EEFSEC: variants seen among roughly 807,000 people sequenced by gnomAD.
EEFSEC encodes selenocysteine-specific elongation factor.
In EEFSEC, 43 loss-of-function variants were observed where a neutral mutation model predicts 42.1. The ratio of observed to expected loss-of-function variants is 1.02; its 90% CI spans 0.80 to 1.32. EEFSEC has a LOEUF of 1.32. EEFSEC is among the 40% of genes most tolerant of loss of function. EEFSEC has a pLI of 0.00. For missense variants in EEFSEC, 745 were observed against 803.6 expected (o/e 0.93, Z 0.88); for synonymous variants, 354 against 339.1 (o/e 1.04, Z -0.48).
chr3:128,289,032 T>G (rs1341541114), intron 4 of EEFSEC, among the ~76,000 whole-genome samples: 1 of 152,236 alleles, frequency 6.6e-6, no homozygotes, highest in Admixed American at 6.5e-5. Flanking sequence ...AGTCTGGCAC[T>G]GCTAAGGAGC....
At chr3:128,383,844 C>T (rs746375211) in intron 6 of EEFSEC, among the ~76,000 whole-genome samples, 7 of 152,196 alleles carry the variant, frequency 4.6e-5, no homozygotes, top group Non-Finnish European at 8.8e-5. Context: ...AGCACATGAG[C>T]GGTGACAGAG....
intron 1 of EEFSEC, among the ~76,000 whole-genome samples, chr3:128,209,581 T>G (rs2065734927): frequency 6.6e-6 from 1 of 152,258 alleles, no homozygotes; most frequent in African/African-American, 2.4e-5. Flanking sequence ...ATTTAATATA[T>G]TTTTATAATC....
intron 6 of EEFSEC, among the ~76,000 whole-genome samples, chr3:128,379,759 A>C (rs2067751977): frequency 6.6e-6 from 1 of 152,272 alleles, no homozygotes; most frequent in Admixed American, 6.5e-5. Flanking sequence ...GGACTTTCCA[A>C]GAAGGAGTGT....
In EEFSEC at chr3:128,205,688, A is replaced by G. The variant is rs555630025; in HGVS notation, c.317-41148A>G. 7.9e-5 allele frequency among the ~76,000 whole-genome samples: 12 copies of G among 152,336 alleles called. No homozygotes were observed. In the East Asian group the frequency reaches 2.3e-3, roughly 29 times the overall value. On this transcript the variant is annotated intron_variant, in intron 1 of 6. Coordinates refer to ENST00000254730, the MANE Select transcript of EEFSEC (RefSeq NM_021937.5). ...CTGAGCATAGGCTTCCATTTTTATG[A>G]AAACTCTTGCTTTTCCAGAGGCTTA...
intron 1 of EEFSEC, among the ~76,000 whole-genome samples, chr3:128,240,659 A>C (rs1162653124): frequency 6.6e-6 from 1 of 152,212 alleles, no homozygotes; most frequent in Non-Finnish European, 1.5e-5. Flanking sequence ...AGGAAAACTA[A>C]TTCTCCTTAA....
At chr3:128,334,168 G>A (rs1202322176) in intron 4 of EEFSEC, among the ~76,000 whole-genome samples, 1 of 152,202 alleles carries the variant, frequency 6.6e-6, no homozygotes, top group Non-Finnish European at 1.5e-5. Flanking sequence ...TCTGAGTCTC[G>A]AGGCAGGCCT....
At chr3:128,243,931 C>T (rs1159774333) in intron 1 of EEFSEC, among the ~76,000 whole-genome samples, 1 of 152,196 alleles carries the variant, frequency 6.6e-6, no homozygotes, top group African/African-American at 2.4e-5. Context: ...CCTAAAGCCT[C>T]GACTTCCTCA....
chr3:128,181,143 G>A (rs2999054), intron 1 of EEFSEC, among the ~76,000 whole-genome samples: 20,261 of 152,156 alleles, frequency 0.13, 1,550 homozygotes, highest in Admixed American at 0.2. Context: ...GTCAGCCTGG[G>A]CGTGAGTGGG....
intron 1 of EEFSEC, among the ~76,000 whole-genome samples, chr3:128,176,158 A>T (rs1344920913): frequency 6.6e-6 from 1 of 151,906 alleles, no homozygotes; most frequent in Non-Finnish European, 1.5e-5. Flanking sequence ...ATATAAAAAT[A>T]AACCATTTGT....
chr3:128,197,334 G>T (rs1399763898), intron 1 of EEFSEC, among the ~76,000 whole-genome samples: 2 of 152,104 alleles, frequency 1.3e-5, no homozygotes, highest in African/African-American at 4.8e-5. Flanking sequence ...GCAGTGGTGC[G>T]ATCTCGGCTC....
intron 6 of EEFSEC, among the ~76,000 whole-genome samples, chr3:128,390,903 T>C (rs2067904713): frequency 6.6e-6 from 1 of 152,216 alleles, no homozygotes; most frequent in African/African-American, 2.4e-5. Context: ...TGTTCTTCCC[T>C]CCCAGTGTCC....
chr3:128,225,554 T>G (rs1225761382), intron 1 of EEFSEC, among the ~76,000 whole-genome samples: 1 of 152,226 alleles, frequency 6.6e-6, no homozygotes, highest in Admixed American at 6.5e-5. Context: ...GTTGTGAAGA[T>G]AATGTGAATG....
intron 5 of EEFSEC, among the ~76,000 whole-genome samples, chr3:128,348,259 T>C (rs943933414): frequency 7.5e-6 from 1 of 133,640 alleles, no homozygotes; most frequent in Non-Finnish European, 1.5e-5. Context: ...CATGCGTGTG[T>C]GTGTGTGTGT....
intron 5 of EEFSEC, among the ~76,000 whole-genome samples, chr3:128,354,666 T>C (rs1387388222): frequency 6.6e-6 from 1 of 152,232 alleles, no homozygotes; most frequent in Non-Finnish European, 1.5e-5. Context: ...CTGAAGTTAA[T>C]AAAATTAGTC....
chr3:128,163,195 G>A (rs193114428), intron 1 of EEFSEC, among the ~76,000 whole-genome samples: 1 of 151,960 alleles, frequency 6.6e-6, no homozygotes. Flanking sequence ...TGGTACTCTG[G>A]GTATCTTGGA....
chr3:128,357,623 C>T (rs1409898464), intron 5 of EEFSEC, among the ~76,000 whole-genome samples: 5 of 152,014 alleles, frequency 3.3e-5, no homozygotes, highest in Non-Finnish European at 5.9e-5. Context: ...GTGTGTGCAG[C>T]GGGTGGGAGA....
In EEFSEC at chr3:128,369,114, G is replaced by T. The variant is rs576416062; in HGVS notation, c.1600+10741G>T. Among the ~76,000 whole-genome samples the T allele has an allele frequency of 3.3e-5, 5 of 152,318 alleles. No homozygotes were observed. In the East Asian group the frequency reaches 9.6e-4, roughly 29 times the overall value. On this transcript the variant is annotated intron_variant, in intron 6 of 6. Coordinates refer to ENST00000254730, the MANE Select transcript of EEFSEC (RefSeq NM_021937.5). ...CTGTTTCTCCCAAAGGCACTGTGAG[G>T]CTCAGAGGAGCTAGATGACTGGCCC...
intron 4 of EEFSEC, among the ~76,000 whole-genome samples, chr3:128,286,484 AT>A (rs2066587310): frequency 6.6e-6 from 1 of 152,204 alleles, no homozygotes; most frequent in Admixed American, 6.5e-5. Context: ...TTGGATATGT[AT>A]TTTATACTTT....
At chr3:128,331,810 G>T (rs1183113558) in intron 4 of EEFSEC, among the ~76,000 whole-genome samples, 2 of 152,166 alleles carry the variant, frequency 1.3e-5, no homozygotes, top group African/African-American at 4.8e-5. Context: ...TCAGGTGCTG[G>T]GGAGGGTGTG....
Sources: gnomAD v4.1 joint callset for allele counts (sites outside exome capture counted in the v4.1 genomes callset) on GRCh38, gnomAD v4.1.1 for gene constraint, MANE v1.5 for transcripts, NCBI Gene and HGNC (gene_info 2026-07-23, HGNC 2026-07-21) for gene names.